The following DLC1 variants were observed in gnomAD, a reference collection of about 807,000 sequenced individuals.
DLC1 encodes rho GTPase-activating protein 7.
DLC1 carries 54 observed loss-of-function variants against 140.3 expected under a neutral mutation model. The ratio of observed to expected loss-of-function variants is 0.38; its 90% CI spans 0.31 to 0.48. The LOEUF (loss-of-function observed/expected upper bound fraction) is 0.48. DLC1 is among the 20% of genes least tolerant of loss of function. DLC1 has a pLI of 0.96. For missense variants in DLC1, 2,536 were observed against 1,907.0 expected, an observed-to-expected ratio of 1.33 and a Z score of -6.14; for synonymous variants, 986 against 728.1, an observed-to-expected ratio of 1.35 and a Z score of -5.70.
chr8:13,472,958 C>G (rs1055070022), intron 2 of DLC1, among the ~76,000 whole-genome samples: 3 of 151,932 alleles, frequency 2.0e-5, no homozygotes, highest in African/African-American at 7.3e-5. Context: ...GAATACTAGT[C>G]ATAATAAGAG....
intron 2 of DLC1, among the ~76,000 whole-genome samples, chr8:13,419,931 T>C (rs1838239548): frequency 6.6e-6 from 1 of 152,196 alleles, no homozygotes; most frequent in African/African-American, 2.4e-5. Flanking sequence ...TTCTTCCTGC[T>C]TTAGTCTTGG....
At chr8:13,293,194 C>A (rs1586082637) in intron 5 of DLC1, among the ~76,000 whole-genome samples, 1 of 152,204 alleles carries the variant, frequency 6.6e-6, no homozygotes, top group East Asian at 1.9e-4. Context: ...TGCACTACTG[C>A]ATTCCAGCTT....
chr8:13,100,051 G>T lies in DLC1; in HGVS notation c.2286C>A (p.Thr762=). 1 of 1,613,218 alleles carries T rather than the reference G, an allele frequency of 6.2e-7. No individual in the cohort carries two copies. Among genetic ancestry groups the T allele is most frequent in the Middle Eastern group, 1.6e-4 (1 of 6,062 alleles). The part of the protein sequence containing the change: ...AVSTPSPVTR[T]RSLSACNKRV... ...GCTTGTTGCACGCACTGAGGCTCCG[G>T]GTCCTCGTAACAGGGCTGGGCGTGC... is the stretch of plus-strand genomic sequence containing the variant. Residue 762 remains threonine (T), a synonymous_variant, in exon 9 of 18, where the codon ACC becomes ACA. Transcript: ENST00000276297.
chr8:13,515,544 A>G (rs999166313), upstream of DLC1: 2 of 152,206 alleles, frequency 1.3e-5, no homozygotes, highest in Non-Finnish European at 2.9e-5. Flanking sequence ...TCTTGCTGAC[A>G]TTAAACACTT....
intron 2 of DLC1, among the ~76,000 whole-genome samples, chr8:13,438,501 C>T (rs1839222573): frequency 6.6e-6 from 1 of 152,082 alleles, no homozygotes; most frequent in South Asian, 2.1e-4. Flanking sequence ...AATAATTCAA[C>T]GCCTTCCTAT....
At chr8:13,567,333 A>G (rs1804480413) in intron 1 of DLC1, 6 of 1,551,768 alleles carry the variant, frequency 3.9e-6, no homozygotes, top group South Asian at 3.6e-5. Flanking sequence ...TCACTCGGGT[A>G]TCAGATGAAG....
chr8:13,299,839 A>G (rs1029935263), intron 5 of DLC1, among the ~76,000 whole-genome samples: 3 of 152,200 alleles, frequency 2.0e-5, no homozygotes, highest in Non-Finnish European at 4.4e-5. Flanking sequence ...AAGAGAAGTC[A>G]ACAGTGACTC....
chr8:13,488,584 A>G (rs1398994591), intron 2 of DLC1, among the ~76,000 whole-genome samples: 1 of 152,224 alleles, frequency 6.6e-6, no homozygotes, highest in African/African-American at 2.4e-5. Context: ...TCTAAAATGT[A>G]TCCTTTAAAG....
intron 1 of DLC1, among the ~76,000 whole-genome samples, chr8:13,507,764 C>G (rs1802164813): frequency 6.6e-6 from 1 of 152,084 alleles, no homozygotes; most frequent in Non-Finnish European, 1.5e-5. Flanking sequence ...TTTAGGCTGT[C>G]TGGAAAGCAT....
intron 1 of DLC1, among the ~76,000 whole-genome samples, chr8:13,603,936 A>G (rs1461480624): frequency 6.6e-6 from 1 of 152,108 alleles, no homozygotes; most frequent in African/African-American, 2.4e-5. Flanking sequence ...TCTGTTTGGT[A>G]CATTAGCTAA....
At chr8:13,202,136 G>T (rs1166110803) in intron 5 of DLC1, among the ~76,000 whole-genome samples, 2 of 151,900 alleles carry the variant, frequency 1.3e-5, no homozygotes, top group Non-Finnish European at 2.9e-5. Context: ...AATAGAGAAG[G>T]GGTTTCACCA....
chr8:13,354,384 C>G (rs1326421704), intron 4 of DLC1, among the ~76,000 whole-genome samples: 1 of 152,044 alleles, frequency 6.6e-6, no homozygotes, highest in Non-Finnish European at 1.5e-5. Flanking sequence ...GACTATCCTC[C>G]TCGCCTTAGT....
intron 5 of DLC1, chr8:13,276,658 G>C (rs1831185717): frequency 1.3e-5 from 15 of 1,129,602 alleles, no homozygotes; most frequent in Non-Finnish European, 1.4e-5. Context: ...ACAGCTATCC[G>C]GAGGCGTCTC....
intron 5 of DLC1, among the ~76,000 whole-genome samples, chr8:13,144,505 C>A (rs888171173): frequency 6.6e-6 from 1 of 152,190 alleles, no homozygotes; most frequent in Non-Finnish European, 1.5e-5. Context: ...GTGGCTCATG[C>A]CTGTAATATC....
At chr8:13,242,822 T>C (rs1392836062) in intron 5 of DLC1, among the ~76,000 whole-genome samples, 1 of 152,026 alleles carries the variant, frequency 6.6e-6, no homozygotes, top group Non-Finnish European at 1.5e-5. Flanking sequence ...TTATGGAAAA[T>C]ATTACTTTAA....
intron 5 of DLC1, among the ~76,000 whole-genome samples, chr8:13,271,146 T>C (rs1463239582): frequency 6.6e-6 from 1 of 152,238 alleles, no homozygotes; most frequent in East Asian, 1.9e-4. Context: ...TAGATACATG[T>C]TCACATTGCA....
intron 2 of DLC1, among the ~76,000 whole-genome samples, chr8:13,439,006 C>G (rs1001569792): frequency 6.6e-6 from 1 of 152,172 alleles, no homozygotes; most frequent in Admixed American, 6.6e-5. Flanking sequence ...ATAATTGTGC[C>G]TGTATTCCAA....
intron 4 of DLC1, among the ~76,000 whole-genome samples, chr8:13,370,886 C>T (rs532262388): frequency 1.4e-4 from 22 of 152,280 alleles, no homozygotes; most frequent in South Asian, 1.0e-3. Context: ...GCCTTCCCTA[C>T]TCCCCACCAC....
intron 4 of DLC1, chr8:13,342,875 C>T (rs558365692): frequency 6.8e-6 from 1 of 147,468 alleles, no homozygotes; most frequent in African/African-American, 2.5e-5. Context: ...TCCAACATAT[C>T]CATTTGTTTT....
Sources: allele counts gnomAD v4.1 joint callset (sites outside exome capture counted in the v4.1 genomes callset), GRCh38; gene constraint gnomAD v4.1.1; transcripts MANE v1.5; gene names NCBI Gene and HGNC (gene_info 2026-07-23, HGNC 2026-07-21).